Variants in COBL observed in about 807,000 individuals in gnomAD.
COBL encodes protein cordon-bleu.
A neutral mutation model predicts 98.8 loss-of-function variants in COBL; 51 were observed. That is an observed-to-expected ratio of 0.52 (90% CI 0.41 to 0.65). COBL has a LOEUF of 0.65. Among genes scored for constraint, COBL ranks in the 30% least tolerant of loss-of-function variants. The pLI is 0.00. For missense variants in COBL, 1,617 were observed against 1,617.5 expected (o/e 1.00, Z 0.01); for synonymous variants, 634 against 651.7 (o/e 0.97, Z 0.41).
intron 7 of COBL, among the ~76,000 whole-genome samples, chr7:51,062,219 C>G (rs1471691884): frequency 6.6e-6 from 1 of 152,124 alleles, no homozygotes; most frequent in Non-Finnish European, 1.5e-5. Context: ...GGATGCAACC[C>G]TGACAGCAGA....
In COBL at chr7:51,057,204, T is replaced by C. The variant is rs190619643; in HGVS notation, c.1097-13512A>G. Among the ~76,000 whole-genome samples, 35 of 152,346 alleles carry C rather than the reference T, an allele frequency of 2.3e-4. No individual in the cohort carries two copies. In the East Asian group the frequency reaches 6.5e-3, roughly 28 times the overall value. ...GCACAAGAGTACTGATGTTGGCATA[T>C]TGTTATAATTGTCCTATTTCATTGC... On this transcript the variant is annotated intron_variant, in intron 7 of 12. Transcript: ENST00000265136.
intron 1 of COBL, among the ~76,000 whole-genome samples, chr7:51,264,795 C>A (rs1441761921): frequency 6.6e-6 from 1 of 151,240 alleles, no homozygotes; most frequent in Non-Finnish European, 1.5e-5. Context: ...GTGGGGTATA[C>A]AATGAAATAA....
At chr7:51,200,129 G>A (rs903805756) in intron 2 of COBL, among the ~76,000 whole-genome samples, 1 of 152,092 alleles carries the variant, frequency 6.6e-6, no homozygotes, top group African/African-American at 2.4e-5. Context: ...GCAAAGTACT[G>A]AAAGAAAAAA....
intron 7 of COBL, among the ~76,000 whole-genome samples, chr7:51,074,427 C>T (rs904704584): frequency 2.0e-5 from 3 of 152,058 alleles, no homozygotes; most frequent in Non-Finnish European, 2.9e-5. Context: ...ATCTCCTGAC[C>T]TCGTGATCCA....
intron 7 of COBL, among the ~76,000 whole-genome samples, chr7:51,067,785 C>T (rs900399693): frequency 3.9e-5 from 6 of 152,200 alleles, no homozygotes; most frequent in Non-Finnish European, 5.9e-5. Flanking sequence ...CAGCAAAGCC[C>T]CAATGTTAAC....
chr7:51,099,296 A>G (rs1437009033), intron 6 of COBL, among the ~76,000 whole-genome samples: 1 of 152,244 alleles, frequency 6.6e-6, no homozygotes, highest in African/African-American at 2.4e-5. Context: ...ACAGAATTTC[A>G]AAGAGATGTG....
At chr7:51,041,652 T>A (rs1789211111) in intron 8 of COBL, among the ~76,000 whole-genome samples, 1 of 151,748 alleles carries the variant, frequency 6.6e-6, no homozygotes, top group East Asian at 1.9e-4. Context: ...CCCAGCCAAT[T>A]TTTGTATTTT....
chr7:51,058,586 A>ACAACAC (rs1239572751), intron 7 of COBL, among the ~76,000 whole-genome samples: 39 of 145,812 alleles, frequency 2.7e-4, no homozygotes, highest in African/African-American at 1.0e-4. Flanking sequence ...AACAACAACA[A>ACAACAC]CACAACCCCC....
intron 7 of COBL, among the ~76,000 whole-genome samples, chr7:51,068,453 A>G (rs1792180163): frequency 6.6e-6 from 1 of 152,252 alleles, no homozygotes; most frequent in South Asian, 2.1e-4. Flanking sequence ...CAATTAATTT[A>G]GGATTTGTTA....
chr7:51,298,307 C>T (rs1483087524), intron 1 of COBL, among the ~76,000 whole-genome samples: 1 of 152,256 alleles, frequency 6.6e-6, no homozygotes, highest in South Asian at 2.1e-4. Flanking sequence ...CACTGCTAAG[C>T]TGCTAAGATT....
At chr7:51,026,441 C>A in intron 11 of COBL, 105 bp downstream of exon 11, 2 of 1,436,322 alleles carry the variant, frequency 1.4e-6, no homozygotes, top group Non-Finnish European at 9.4e-7. Flanking sequence ...GGTTCACCAT[C>A]CAATCGGAAG....
At chr7:51,059,489 TG>T (rs1157618132) in intron 7 of COBL, among the ~76,000 whole-genome samples, 1 of 152,090 alleles carries the variant, frequency 6.6e-6, no homozygotes, top group Non-Finnish European at 1.5e-5. Context: ...TGTGATTATG[TG>T]GGGGCTGCAG....
At chr7:51,244,128 T>A (rs1467068113) in intron 1 of COBL, among the ~76,000 whole-genome samples, 1 of 152,102 alleles carries the variant, frequency 6.6e-6, no homozygotes, top group Non-Finnish European at 1.5e-5. Context: ...TGTGCTCAGC[T>A]CCCACCCTCA....
chr7:51,022,610 A>G (rs1351755797), intron 12 of COBL: 3 of 152,124 alleles, frequency 2.0e-5, no homozygotes, highest in Admixed American at 2.0e-4. Flanking sequence ...AGAGGAACGC[A>G]TTCTCAGAAG....
intron 5 of COBL, among the ~76,000 whole-genome samples, chr7:51,168,894 T>G (rs1455681548): frequency 1.3e-5 from 2 of 152,322 alleles, no homozygotes; most frequent in East Asian, 3.9e-4. Context: ...AAAGAAAATG[T>G]GGTACATATT....
intron 1 of COBL, among the ~76,000 whole-genome samples, chr7:51,306,938 A>G (rs562563890): frequency 7.2e-5 from 11 of 152,226 alleles, no homozygotes; most frequent in Non-Finnish European, 1.0e-4. Flanking sequence ...GCTTTCATAA[A>G]GCAGCTTTGG....
chr7:51,285,213 G>A (rs1412315725), intron 1 of COBL, among the ~76,000 whole-genome samples: 2 of 151,984 alleles, frequency 1.3e-5, no homozygotes, highest in Non-Finnish European at 2.9e-5. Context: ...CTAAAGTGCT[G>A]GGATTACAGG....
At chr7:51,181,723 A>C (rs1253956543) in intron 5 of COBL, among the ~76,000 whole-genome samples, 2 of 152,208 alleles carry the variant, frequency 1.3e-5, no homozygotes, top group Non-Finnish European at 2.9e-5. Context: ...CTTGCAATCC[A>C]CAGAGAGGAC....
At chr7:51,074,900 CATA>C (rs1792914373) in intron 7 of COBL, among the ~76,000 whole-genome samples, 2 of 152,160 alleles carry the variant, frequency 1.3e-5, no homozygotes, top group Non-Finnish European at 2.9e-5. Flanking sequence ...TAATAAAATG[CATA>C]ATACTATTTT....
Sources: gnomAD v4.1 joint callset for allele counts (sites outside exome capture counted in the v4.1 genomes callset) on GRCh38, gnomAD v4.1.1 for gene constraint, MANE v1.5 for transcripts, NCBI Gene and HGNC (gene_info 2026-07-23, HGNC 2026-07-21) for gene names.